SORCS1: variants seen among roughly 807,000 people sequenced by gnomAD.
SORCS1 encodes sortilin related VPS10 domain containing receptor 1.
In SORCS1, 60 loss-of-function variants were observed where a neutral mutation model predicts 146.1. The observed-to-expected ratio is 0.41, with a 90% CI of 0.33 to 0.51. SORCS1 has a LOEUF of 0.51. Ranked by LOEUF, SORCS1 falls within the 20% of genes least tolerant of loss-of-function variation. The pLI, the probability that SORCS1 is intolerant of heterozygous loss-of-function variation, is 0.21. For missense variants in SORCS1, 1,352 were observed against 1,487.6 expected (o/e 0.91, Z 1.50); for synonymous variants, 637 against 584.0 (o/e 1.09, Z -1.31).
intron 3 of SORCS1, among the ~76,000 whole-genome samples, chr10:106,809,441 C>T (rs1216696630): frequency 1.3e-5 from 2 of 151,900 alleles, no homozygotes. Flanking sequence ...TCTCATCATG[C>T]CAGGATCCCC....
chr10:106,700,735 C>T (rs1854079133), intron 8 of SORCS1, among the ~76,000 whole-genome samples: 1 of 152,216 alleles, frequency 6.6e-6, no homozygotes, highest in African/African-American at 2.4e-5. Flanking sequence ...TCCCTATCCT[C>T]TTTACCGTTT....
chr10:107,132,296 T>C (rs1408574841), intron 1 of SORCS1, among the ~76,000 whole-genome samples: 1 of 152,204 alleles, frequency 6.6e-6, no homozygotes, highest in Non-Finnish European at 1.5e-5. Flanking sequence ...ATTTTTCCTA[T>C]CCAAACCCAC....
At chr10:106,814,750 TA>T (rs1947646871) in intron 3 of SORCS1, among the ~76,000 whole-genome samples, 1 of 151,530 alleles carries the variant, frequency 6.6e-6, no homozygotes, top group Admixed American at 6.6e-5. Context: ...GCGTCTCTAC[TA>T]AAAATACAAA....
chr10:106,691,304 T>C (rs368420092), intron 9 of SORCS1, among the ~76,000 whole-genome samples: 16 of 152,290 alleles, frequency 1.1e-4, no homozygotes, highest in African/African-American at 2.9e-4. Context: ...CATCCCACTG[T>C]TGGAAGTCTG....
chr10:106,889,289 A>G (rs1175056914), intron 2 of SORCS1, among the ~76,000 whole-genome samples: 2 of 152,248 alleles, frequency 1.3e-5, no homozygotes, highest in African/African-American at 4.8e-5. Context: ...TCTTTTCAGC[A>G]CAGCACCAAG....
chr10:107,087,186 C>T (rs935013164), intron 1 of SORCS1, among the ~76,000 whole-genome samples: 4 of 152,046 alleles, frequency 2.6e-5, no homozygotes, highest in Non-Finnish European at 4.4e-5. Context: ...AATAATTGTC[C>T]CCTATAAAAC....
chr10:106,770,648 A>C (rs187277591), intron 4 of SORCS1, among the ~76,000 whole-genome samples: 2 of 152,300 alleles, frequency 1.3e-5, no homozygotes, highest in African/African-American at 4.8e-5. Context: ...TCATTGTTAC[A>C]CACATAAAAA....
chr10:107,095,826 C>T (rs923642167), intron 1 of SORCS1, among the ~76,000 whole-genome samples: 9 of 151,866 alleles, frequency 5.9e-5, no homozygotes, highest in African/African-American at 1.9e-4. Context: ...AGGAGAAACA[C>T]GGTAAAAGGT....
intron 15 of SORCS1, 36 bp from the exon 16 acceptor site, chr10:106,671,403 A>C: frequency 1.2e-6 from 2 of 1,612,732 alleles, no homozygotes; most frequent in Non-Finnish European, 1.7e-6. Context: ...ACTTGGGCAC[A>C]TAGCTTGGAC....
intron 3 of SORCS1, among the ~76,000 whole-genome samples, chr10:106,788,425 C>A (rs1163405040): frequency 6.6e-6 from 1 of 152,150 alleles, no homozygotes; most frequent in Non-Finnish European, 1.5e-5. Flanking sequence ...AAATCAAGTC[C>A]CTTCTGCCTC....
At chr10:106,790,617 A>G (rs1946274421) in intron 3 of SORCS1, among the ~76,000 whole-genome samples, 3 of 152,198 alleles carry the variant, frequency 2.0e-5, no homozygotes, top group African/African-American at 7.2e-5. Flanking sequence ...GAACTCAGAT[A>G]AAACAAATGT....
intron 1 of SORCS1, among the ~76,000 whole-genome samples, chr10:107,087,067 T>C (rs1372639719): frequency 2.0e-5 from 3 of 152,114 alleles, no homozygotes; most frequent in East Asian, 3.9e-4. Flanking sequence ...CTACCAGACA[T>C]GGAAAGAACA....
At chr10:106,863,619 G>C (rs1950109386) in intron 2 of SORCS1, among the ~76,000 whole-genome samples, 1 of 136,952 alleles carries the variant, frequency 7.3e-6, no homozygotes, top group East Asian at 2.1e-4. Flanking sequence ...ATCCCCTTCA[G>C]TCACTGATCT....
chr10:106,919,735 G>A (rs964309829), intron 2 of SORCS1, among the ~76,000 whole-genome samples: 8 of 152,162 alleles, frequency 5.3e-5, no homozygotes, highest in Non-Finnish European at 1.2e-4. Flanking sequence ...TATAAATAAA[G>A]TCACACTTTT....
chr10:106,706,695 A>T, intron 7 of SORCS1, 61 bp from the exon 8 acceptor site: 2 of 1,466,536 alleles, frequency 1.4e-6, no homozygotes, highest in Non-Finnish European at 1.9e-6. Context: ...CAGGTCACAG[A>T]ACAGTCACCT....
intron 1 of SORCS1, among the ~76,000 whole-genome samples, chr10:107,020,736 T>C (rs1012164725): frequency 6.6e-6 from 1 of 152,198 alleles, no homozygotes; most frequent in African/African-American, 2.4e-5. Flanking sequence ...TTTTGGAGGC[T>C]ATGAAAAATT....
At chr10:106,653,487 T>C (rs980701321) in intron 17 of SORCS1, among the ~76,000 whole-genome samples, 3 of 152,224 alleles carry the variant, frequency 2.0e-5, no homozygotes, top group African/African-American at 7.2e-5. Flanking sequence ...AGATAGTGAA[T>C]GTTTCAGTTT....
chr10:107,012,250 C>A (rs941455310), intron 1 of SORCS1, among the ~76,000 whole-genome samples: 28 of 152,120 alleles, frequency 1.8e-4, no homozygotes, highest in African/African-American at 5.8e-4. Flanking sequence ...TCCCTCACAC[C>A]CTCTTCCCAT....
chr10:106,844,525 G>A (rs1949221178), intron 2 of SORCS1, among the ~76,000 whole-genome samples: 1 of 150,852 alleles, frequency 6.6e-6, no homozygotes, highest in South Asian at 2.1e-4. Flanking sequence ...TTCTTTTGCA[G>A]GTGAATGTCC....
Sources: allele counts gnomAD v4.1 joint callset (sites outside exome capture counted in the v4.1 genomes callset), GRCh38; gene constraint gnomAD v4.1.1; transcripts MANE v1.5; gene names NCBI Gene and HGNC (gene_info 2026-07-23, HGNC 2026-07-21).